Variants in PIP4K2A observed in about 807,000 individuals in gnomAD.
The protein encoded by PIP4K2A is phosphatidylinositol-5-phosphate 4-kinase type 2 alpha.
Under a neutral mutation model 42.9 loss-of-function variants are expected in PIP4K2A, and 14 were observed. The observed-to-expected ratio is 0.33, with a 90% CI of 0.22 to 0.51. The LOEUF is 0.51. Ranked by LOEUF, PIP4K2A falls within the 20% of genes least tolerant of loss-of-function variation. PIP4K2A has a pLI of 0.97. For synonymous variants in PIP4K2A, 192 were observed against 192.2 expected, an observed-to-expected ratio of 1.00 and a Z score of 0.01; for missense variants, 434 against 519.8, an observed-to-expected ratio of 0.83 and a Z score of 1.61.
intron 8 of PIP4K2A, among the ~76,000 whole-genome samples, chr10:22,540,708 A>G (rs899645106): frequency 5.9e-5 from 9 of 152,122 alleles, no homozygotes; most frequent in African/African-American, 9.7e-5. Flanking sequence ...GGCATGCATC[A>G]CTATGCCCAG....
intron 1 of PIP4K2A, among the ~76,000 whole-genome samples, chr10:22,681,478 A>G (rs901353925): frequency 6.6e-6 from 1 of 152,176 alleles, no homozygotes; most frequent in East Asian, 1.9e-4. Context: ...GTTTGAGACC[A>G]GCCTTGGCAA....
Position 22,614,093 on chromosome 10 carries a change from A to G in PIP4K2A, c.145-4376T>C, listed in dbSNP as rs372580038. ...GGCTTCTTGGAAGGAGTGCAGCCCT[A>G]CATGGCCCTTGAGGGACGGAGAGTT... On this transcript the variant is annotated intron_variant, in intron 1 of 9. Coordinates refer to ENST00000376573, the MANE Select transcript of PIP4K2A (RefSeq NM_005028.5). Among the ~76,000 whole-genome samples the G allele has an allele frequency of 7.9e-5, 12 of 152,348 alleles. No homozygotes were observed. In the East Asian group the frequency reaches 1.9e-3, roughly 25 times the overall value.
rs906204172 is a variant in PIP4K2A, at chr10:22,565,714, C to T, written c.678+2137G>A. 5.3e-5 allele frequency among the ~76,000 whole-genome samples: 8 copies of T among 152,252 alleles called. 1 individual carries two copies. Among genetic ancestry groups the T allele is most frequent in the East Asian group, 1.9e-4 (1 of 5,188 alleles). ...AAACTCTGACCACCAGTGAGCCGGG[C>T]GGAACAGAGCCATATTTCTCTTCTT... is the stretch of plus-strand genomic sequence containing the variant. On this transcript the variant is annotated intron_variant, in intron 6 of 9. Transcript: ENST00000376573.
chr10:22,620,267 A>C (rs1330973062), intron 1 of PIP4K2A, among the ~76,000 whole-genome samples: 1 of 151,534 alleles, frequency 6.6e-6, no homozygotes, highest in Non-Finnish European at 1.5e-5. Context: ...ACAGAATCTG[A>C]CATAAAACTA....
chr10:22,625,644 G>C, intron 1 of PIP4K2A, among the ~76,000 whole-genome samples: 1 of 152,168 alleles, frequency 6.6e-6, no homozygotes, highest in East Asian at 1.9e-4. Flanking sequence ...AGGTATTTGT[G>C]ATACGATCCT....
intron 4 of PIP4K2A, among the ~76,000 whole-genome samples, chr10:22,586,806 C>T (rs562807798): frequency 1.3e-5 from 2 of 152,318 alleles, no homozygotes; most frequent in South Asian, 2.1e-4. Context: ...GCTGGGATTA[C>T]AGACGTGAGC....
At chr10:22,589,818 C>T (rs1266101391) in intron 4 of PIP4K2A, among the ~76,000 whole-genome samples, 1 of 152,160 alleles carries the variant, frequency 6.6e-6, no homozygotes, top group Non-Finnish European at 1.5e-5. Flanking sequence ...ACCTGCGGCA[C>T]TTTATTTTGA....
chr10:22,608,390 G>A (rs1837956976), intron 2 of PIP4K2A, among the ~76,000 whole-genome samples: 1 of 152,120 alleles, frequency 6.6e-6, no homozygotes, highest in African/African-American at 2.4e-5. Flanking sequence ...GCGGAGCAAG[G>A]TTCCCTCTCA....
chr10:22,541,579 T>C (rs909791685), intron 8 of PIP4K2A, among the ~76,000 whole-genome samples: 2 of 152,208 alleles, frequency 1.3e-5, no homozygotes, highest in African/African-American at 2.4e-5. Context: ...TTTTGCTGTA[T>C]TCCCTCAACA....
At chr10:22,568,696 G>A (rs755362130) in intron 5 of PIP4K2A, among the ~76,000 whole-genome samples, 9 of 152,144 alleles carry the variant, frequency 5.9e-5, no homozygotes, top group Non-Finnish European at 1.3e-4. Context: ...GGCTTTAGGG[G>A]TAGAGTCCAA....
chr10:22,708,097 G>A (rs910080902), intron 1 of PIP4K2A, among the ~76,000 whole-genome samples: 4 of 152,068 alleles, frequency 2.6e-5, no homozygotes, highest in Non-Finnish European at 4.4e-5. Context: ...ACGAAGAGAC[G>A]GATTCAAGGA....
chr10:22,676,722 G>A (rs1242811289), intron 1 of PIP4K2A, among the ~76,000 whole-genome samples: 1 of 152,150 alleles, frequency 6.6e-6, no homozygotes, highest in Non-Finnish European at 1.5e-5. Flanking sequence ...CTATAGTCCA[G>A]GCACTGTTCT....
chr10:22,581,821 A>T (rs1837289033), intron 4 of PIP4K2A, among the ~76,000 whole-genome samples: 1 of 152,074 alleles, frequency 6.6e-6, no homozygotes, highest in South Asian at 2.1e-4. Context: ...TTTAAAAAAC[A>T]ATCTGCTTAC....
chr10:22,673,403 C>G (rs1839493152), intron 1 of PIP4K2A, among the ~76,000 whole-genome samples: 1 of 152,286 alleles, frequency 6.6e-6, no homozygotes, highest in African/African-American at 2.4e-5. Context: ...AAAATGACCA[C>G]AACAGTCAAA....
intron 1 of PIP4K2A, among the ~76,000 whole-genome samples, chr10:22,639,358 C>T (rs568060426): frequency 4.5e-3 from 434 of 96,532 alleles, no homozygotes; most frequent in Non-Finnish European, 7.1e-3. Context: ...TCAAAAGAAG[C>T]TAAAAAAAAA....
intron 1 of PIP4K2A, among the ~76,000 whole-genome samples, chr10:22,707,540 C>T (rs1833843613): frequency 6.6e-6 from 1 of 152,202 alleles, no homozygotes; most frequent in Non-Finnish European, 1.5e-5. Flanking sequence ...CCCATGTTAA[C>T]AGCTAATACT....
chr10:22,569,644 GGTGTGTGTGTCT>G (rs1836933789), intron 5 of PIP4K2A, among the ~76,000 whole-genome samples: 2 of 151,888 alleles, frequency 1.3e-5, no homozygotes, highest in Non-Finnish European at 2.9e-5. Context: ...AAGTTCTTGG[GGTGTGTGTGTCT>G]GTGTGTGTGT....
chr10:22,667,468 T>C (rs113309447), intron 1 of PIP4K2A, among the ~76,000 whole-genome samples: 88 of 152,296 alleles, frequency 5.8e-4, no homozygotes, highest in Middle Eastern at 6.8e-3. Flanking sequence ...ATCCAAAAGA[T>C]TAAAGTGGGA....
intron 1 of PIP4K2A, among the ~76,000 whole-genome samples, chr10:22,650,938 T>C (rs1588685904): frequency 6.6e-6 from 1 of 152,118 alleles, no homozygotes; most frequent in Non-Finnish European, 1.5e-5. Flanking sequence ...CCACGGCCTC[T>C]CAAGCCTACC....
Sources: gnomAD v4.1 joint callset for allele counts (sites outside exome capture counted in the v4.1 genomes callset) on GRCh38, gnomAD v4.1.1 for gene constraint, MANE v1.5 for transcripts, NCBI Gene and HGNC (gene_info 2026-07-23, HGNC 2026-07-21) for gene names.